ALKBH3: variants seen among roughly 807,000 people sequenced by gnomAD.
ALKBH3 encodes the protein alkB homolog 3, alpha-ketoglutarate dependent dioxygenase, also known as alpha-ketoglutarate-dependent dioxygenase alkB homolog 3.
ALKBH3 carries 51 observed loss-of-function variants against 43.9 expected under a neutral mutation model. The ratio of observed to expected loss-of-function variants is 1.16; its 90% CI spans 0.93 to 1.47. The LOEUF is 1.47. Among genes scored for constraint, ALKBH3 ranks in the 40% most tolerant of loss-of-function variants. ALKBH3 has a pLI of 0.00. For missense variants in ALKBH3, 361 were observed against 351.9 expected (o/e 1.03, Z -0.21); for synonymous variants, 102 against 115.2 (o/e 0.89, Z 0.73).
chr11:43,895,062 C>A (rs1288622520), intron 7 of ALKBH3, among the ~76,000 whole-genome samples: 1 of 152,154 alleles, frequency 6.6e-6, no homozygotes, highest in African/African-American at 2.4e-5. Flanking sequence ...CCATCTTTAA[C>A]CATGGTTTTC....
intron 4 of ALKBH3, among the ~76,000 whole-genome samples, chr11:43,885,967 G>A (rs1454528584): frequency 6.6e-6 from 1 of 152,194 alleles, no homozygotes; most frequent in African/African-American, 2.4e-5. Context: ...AAAGCTGGAG[G>A]TGGATTGGAT....
intron 8 of ALKBH3, among the ~76,000 whole-genome samples, chr11:43,904,379 C>T (rs147703277): frequency 1.5e-3 from 234 of 152,322 alleles, no homozygotes; most frequent in Middle Eastern, 0.01. Flanking sequence ...CTAGTCTTAA[C>T]TATGATTGAA....
chr11:43,883,328 G>A (rs200834187), intron 3 of ALKBH3, 140 bp downstream of exon 3: 5 of 515,280 alleles, frequency 9.7e-6, no homozygotes, highest in African/African-American at 7.8e-5. Context: ...AATGAAATGA[G>A]AAATATTTCA....
intron 8 of ALKBH3, among the ~76,000 whole-genome samples, chr11:43,902,938 A>G (rs1406442251): frequency 2.0e-5 from 3 of 152,218 alleles, no homozygotes; most frequent in Admixed American, 6.5e-5. Flanking sequence ...CCACATCATT[A>G]TTAGTTCTTG....
intron 9 of ALKBH3, 77 bp downstream of exon 9, chr11:43,919,213 A>G: frequency 7.8e-7 from 1 of 1,284,270 alleles, no homozygotes; most frequent in Non-Finnish European, 1.1e-6. Flanking sequence ...TTCTAAGTAG[A>G]CATGGTGAAA....
chr11:43,892,124 C>T lies in ALKBH3; in HGVS notation c.454C>T (p.Pro152Ser). ...TYSRITMEPNPHWHPVLRTLK... is the reference protein window; with the variant it reads ...TYSRITMEPNSHWHPVLRTLK... ...TTCAAGAATCACTATGGAACCAAATCCTCACGTATGTCAACATATTGTCAT... is the reference window on the plus strand; with the variant it reads ...TTCAAGAATCACTATGGAACCAAATTCTCACGTATGTCAACATATTGTCAT... Residue 152 changes from proline (P) to serine (S), a missense_variant, in exon 7 of 10, where the codon CCT (proline) becomes TCT (serine). By Grantham distance (74) the Pro-to-Ser change is moderately conservative. Transcript: ENST00000302708. The T allele has an allele frequency of 1.9e-6, 3 of 1,605,236 alleles. No individual in the cohort carries two copies. Among genetic ancestry groups the T allele is most frequent in the Non-Finnish European group, 2.6e-6 (3 of 1,171,934 alleles).
intron 7 of ALKBH3, 146 bp from the exon 8 acceptor site, chr11:43,901,370 T>C (rs1264554948): frequency 1.3e-6 from 1 of 791,776 alleles, no homozygotes; most frequent in African/African-American, 1.7e-5. Flanking sequence ...TCTTGCCTTC[T>C]GTTTATTGCA....
chr11:43,900,223 T>A (rs919119990), intron 7 of ALKBH3, among the ~76,000 whole-genome samples: 4 of 128,060 alleles, frequency 3.1e-5, no homozygotes, highest in African/African-American at 8.8e-5. Context: ...TAATTTTTTT[T>A]TTTTTTTTTT....
At chr11:43,888,517 A>G (rs1197063940) in intron 5 of ALKBH3, among the ~76,000 whole-genome samples, 1 of 152,254 alleles carries the variant, frequency 6.6e-6, no homozygotes, top group Non-Finnish European at 1.5e-5. Context: ...ATGCATGAGT[A>G]TACTAATTGT....
At chr11:43,889,947 T>C in intron 6 of ALKBH3, 119 bp downstream of exon 6, 1 of 867,638 alleles carries the variant, frequency 1.2e-6, no homozygotes, top group South Asian at 1.7e-5. Flanking sequence ...AAACCTGAGA[T>C]CCTAAGAAAG....
chr11:43,884,068 G>T (rs1226058178), intron 4 of ALKBH3, 51 bp downstream of exon 4: 8 of 1,603,812 alleles, frequency 5.0e-6, no homozygotes, highest in South Asian at 1.1e-5. Context: ...GAAATGAAGA[G>T]CCTGGAATCT....
chr11:43,915,219 A>G (rs924248666), intron 8 of ALKBH3, among the ~76,000 whole-genome samples: 1 of 151,728 alleles, frequency 6.6e-6, no homozygotes, highest in Non-Finnish European at 1.5e-5. Flanking sequence ...AAAAAAGAAA[A>G]AAAAAAAAAA....
At chr11:43,911,936 C>T (rs1469368991) in intron 8 of ALKBH3, among the ~76,000 whole-genome samples, 2 of 152,108 alleles carry the variant, frequency 1.3e-5, no homozygotes. Context: ...GCCTGACCAA[C>T]ATGGTGAAAC....
chr11:43,899,706 C>A, intron 7 of ALKBH3: 1 of 312,772 alleles, frequency 3.2e-6, no homozygotes, highest in South Asian at 4.6e-5. Flanking sequence ...TAAACATAGT[C>A]ATTTCATCCC....
intron 9 of ALKBH3, 67 bp downstream of exon 9, chr11:43,919,203 T>C: frequency 7.5e-7 from 1 of 1,338,484 alleles, no homozygotes; most frequent in Non-Finnish European, 1.1e-6. Context: ...TGAGGACTAT[T>C]TCTAAGTAGA....
chr11:43,917,442 T>C (rs1308357281), intron 8 of ALKBH3, among the ~76,000 whole-genome samples: 1 of 152,192 alleles, frequency 6.6e-6, no homozygotes, highest in African/African-American at 2.4e-5. Context: ...TGTCTGTACT[T>C]GATTTGTAGA....
intron 8 of ALKBH3, 106 bp downstream of exon 8, chr11:43,901,831 A>G (rs1951866190): frequency 1.5e-6 from 2 of 1,309,094 alleles, no homozygotes; most frequent in Non-Finnish European, 2.1e-6. Flanking sequence ...GGGAATACAC[A>G]TTTTGTTGAT....
chr11:43,882,992 C>A, intron 2 of ALKBH3, 93 bp from the exon 3 acceptor site: 2 of 1,008,152 alleles, frequency 2.0e-6, no homozygotes, highest in Middle Eastern at 2.1e-4. Context: ...TCATAGAGAT[C>A]ATCTCCAAGT....
chr11:43,898,641 C>G (rs1475357966), intron 7 of ALKBH3: 1 of 730,372 alleles, frequency 1.4e-6, no homozygotes, highest in Non-Finnish European at 2.6e-6. Flanking sequence ...TGAACATGCG[C>G]CACTTATGGA....
Sources: allele counts gnomAD v4.1 joint callset (sites outside exome capture counted in the v4.1 genomes callset), GRCh38; gene constraint gnomAD v4.1.1; transcripts MANE v1.5; gene names NCBI Gene and HGNC (gene_info 2026-07-23, HGNC 2026-07-21).